The following UGGT1 variants were observed in gnomAD, a reference collection of about 807,000 sequenced individuals.
The protein encoded by UGGT1 is UDP-glucose:glycoprotein glucosyltransferase 1.
In UGGT1, 107 loss-of-function variants were observed where a neutral mutation model predicts 203.9. The ratio of observed to expected loss-of-function variants is 0.52; its 90% CI spans 0.45 to 0.62. The LOEUF (loss-of-function observed/expected upper bound fraction) is 0.62. Among genes scored for constraint, UGGT1 ranks in the 20% least tolerant of loss-of-function variants. UGGT1 has a pLI of 0.00. For synonymous variants in UGGT1, 628 were observed against 653.5 expected, an observed-to-expected ratio of 0.96 and a Z score of 0.59; for missense variants, 1,673 against 1,867.2, an observed-to-expected ratio of 0.90 and a Z score of 1.92.
chr2:128,119,890 G>C (rs562348844), intron 8 of UGGT1, among the ~76,000 whole-genome samples: 1 of 151,254 alleles, frequency 6.6e-6, no homozygotes, highest in Non-Finnish European at 1.5e-5. Flanking sequence ...AAACAGGTCA[G>C]TAAACACTGC....
intron 31 of UGGT1, among the ~76,000 whole-genome samples, chr2:128,176,504 G>A (rs747395314): frequency 6.6e-6 from 1 of 151,816 alleles, no homozygotes; most frequent in Non-Finnish European, 1.5e-5. Context: ...AAGGCTCTGT[G>A]CTTGGCTCAG....
Position 128,121,270 on chromosome 2 carries a change from C to G in UGGT1, c.1045C>G (p.Leu349Val). 6.2e-7 allele frequency: 1 copy of G among 1,612,256 alleles called. No homozygotes were observed. The highest frequency in any genetic ancestry group is 1.1e-5 in the South Asian group (1 of 90,530). The change falls in exon 10 of 41, where the codon CTT (leucine) becomes GTT (valine). Residue 349 changes from leucine to valine, a missense_variant. Physicochemically the swap from Leu to Val is conservative, Grantham distance 32. This residue lies in a region of UGGT1 where 1,073 missense variants were observed against 1,078.7 expected (regional missense o/e 0.99). Coordinates refer to ENST00000259253, the MANE Select transcript of UGGT1 (RefSeq NM_020120.4). Reference sequence around the variant, plus strand: ...GTTGGCTTTGGTTGTCATGAAGGATCTTAGTCAGAATTTTCCTACCAAAGC... The same window carrying G: ...GTTGGCTTTGGTTGTCATGAAGGATGTTAGTCAGAATTTTCCTACCAAAGC... ...VELALVVMKD[L>V]SQNFPTKARA...
Position 128,182,314 on chromosome 2 carries a change from C to T in UGGT1, c.4244+24C>T, listed in dbSNP as rs374971774. ...AGGTACTGAAAAGAAGCACTCCTAA[C>T]ACTGTTACGGGGTTTTCCTTAAAAT... On this transcript the variant is annotated intron_variant, in intron 37 of 40. Transcript: ENST00000259253. The T allele has an allele frequency of 8.8e-6, 14 of 1,596,934 alleles. No homozygotes were observed. The East Asian group carries it at 2.9e-4, about 33-fold the overall frequency.
chr2:128,126,888 G>A (rs1381814660), intron 11 of UGGT1, among the ~76,000 whole-genome samples: 1 of 151,938 alleles, frequency 6.6e-6, no homozygotes, highest in Non-Finnish European at 1.5e-5. Flanking sequence ...TTGCCACGTT[G>A]TCCAGGCTGG....
Position 128,180,953 on chromosome 2 carries a change from C to A in UGGT1, c.3964C>A (p.Pro1322Thr), listed in dbSNP as rs1394155253. ...GTATGAGCTTGTTCAGTACAAATGG[C>A]CCCGGTGGCTTCATCAACAAACTGA... The part of the protein sequence containing the change: ...FQYELVQYKW[P>T]RWLHQQTEKQ... The change falls in exon 36 of 41, where the codon CCC (proline) becomes ACC (threonine). Residue 1322 changes from proline (P) to threonine (T), a missense_variant. Physicochemically the swap from Pro to Thr is conservative, Grantham distance 38. Coordinates refer to ENST00000259253, the MANE Select transcript of UGGT1 (RefSeq NM_020120.4). 1 of 1,614,136 alleles carries A rather than the reference C, an allele frequency of 6.2e-7. No homozygotes were observed. Among genetic ancestry groups the A allele is most frequent in the Admixed American group, 1.7e-5 (1 of 60,018 alleles).
chr2:128,160,772 C>A (rs1690488779), intron 24 of UGGT1, among the ~76,000 whole-genome samples, 181 bp downstream of exon 24: 1 of 152,198 alleles, frequency 6.6e-6, no homozygotes, highest in African/African-American at 2.4e-5. Context: ...TTGACATAGA[C>A]AAATATCCCC....
At chr2:128,110,692 A>T (rs142010048) in intron 5 of UGGT1, among the ~76,000 whole-genome samples, 3 of 152,218 alleles carry the variant, frequency 2.0e-5, no homozygotes, top group Non-Finnish European at 4.4e-5. Context: ...ATGGTTTGGC[A>T]TATATACCTT....
chr2:128,123,749 T>C (rs906242411), intron 11 of UGGT1, among the ~76,000 whole-genome samples: 1 of 152,218 alleles, frequency 6.6e-6, no homozygotes, highest in Admixed American at 6.5e-5. Context: ...TGAGATGGAC[T>C]GGTTGCTCTT....
At chr2:128,157,731 T>G (rs961132640) in intron 22 of UGGT1, among the ~76,000 whole-genome samples, 5 of 152,062 alleles carry the variant, frequency 3.3e-5, no homozygotes, top group Admixed American at 1.3e-4. Flanking sequence ...CACACAGGAA[T>G]GGTAGTGTGT....
chr2:128,174,440 G>A (rs1051147815), intron 30 of UGGT1, among the ~76,000 whole-genome samples: 1 of 151,072 alleles, frequency 6.6e-6, no homozygotes, highest in Non-Finnish European at 1.5e-5. Flanking sequence ...CTGGGATTAC[G>A]GGCACCCACC....
In UGGT1 at chr2:128,091,367, A is replaced by T; in HGVS notation, c.10A>T (p.Lys4Ter). The change falls in exon 1 of 41, where the codon AAG becomes TAG. Residue 4 changes from lysine to a stop codon, truncating the protein, a stop_gained. Coordinates refer to ENST00000259253, the MANE Select transcript of UGGT1 (RefSeq NM_020120.4). LOFTEE classifies it high-confidence loss of function. ...TGACCACGGCCCGGGCATGGGCTGCAAGGGAGACGCGAGCGGTGCGTGTGC... is the reference window on the plus strand; with the variant it reads ...TGACCACGGCCCGGGCATGGGCTGCTAGGGAGACGCGAGCGGTGCGTGTGC... MGC[K>*]GDASGACAAG... 1 of 1,570,052 alleles carries T rather than the reference A, an allele frequency of 6.4e-7. No homozygotes were observed.
At chr2:128,097,356 C>T (rs996196615) in intron 1 of UGGT1, 73 bp from the exon 2 acceptor site, 1 of 1,524,312 alleles carries the variant, frequency 6.6e-7, no homozygotes. Flanking sequence ...GCCTGGGCGA[C>T]AGGGCGAGAC....
intron 3 of UGGT1, among the ~76,000 whole-genome samples, chr2:128,105,557 C>T (rs957117371): frequency 6.6e-5 from 10 of 151,694 alleles, no homozygotes; most frequent in African/African-American, 2.4e-4. Flanking sequence ...CTCTGTTGCC[C>T]AGGCTGGAGT....
chr2:128,117,276 G>A (rs1339129888), intron 8 of UGGT1, among the ~76,000 whole-genome samples: 1 of 151,986 alleles, frequency 6.6e-6, no homozygotes, highest in Non-Finnish European at 1.5e-5. Flanking sequence ...TTTTAGTAGA[G>A]ACGGGGTTTC....
chr2:128,183,934 G>A, intron 38 of UGGT1, 145 bp downstream of exon 38: 1 of 549,574 alleles, frequency 1.8e-6, no homozygotes, highest in Non-Finnish European at 3.3e-6. Context: ...GTGTGTGTGT[G>A]TGTGAGAGAG....
intron 1 of UGGT1, among the ~76,000 whole-genome samples, chr2:128,091,882 T>G (rs749438083): frequency 5.9e-5 from 9 of 152,194 alleles, no homozygotes; most frequent in Non-Finnish European, 1.3e-4. Context: ...GGCTGGAAAT[T>G]GGATGATATG....
intron 3 of UGGT1, 122 bp from the exon 4 acceptor site, chr2:128,107,816 A>G (rs1450412535): frequency 7.4e-7 from 1 of 1,350,374 alleles, no homozygotes; most frequent in African/African-American, 1.5e-5. Flanking sequence ...AGTTCAAGAC[A>G]ATATACTGGT....
chr2:128,169,643 G>C (rs944616605), intron 26 of UGGT1, among the ~76,000 whole-genome samples: 2 of 152,198 alleles, frequency 1.3e-5, no homozygotes, highest in Non-Finnish European at 2.9e-5. Flanking sequence ...ATGTCCAGCA[G>C]TAAAGAAAAG....
intron 5 of UGGT1, among the ~76,000 whole-genome samples, chr2:128,112,434 A>G (rs867747976): frequency 2.6e-5 from 3 of 113,956 alleles, no homozygotes; most frequent in African/African-American, 8.7e-5. Flanking sequence ...AAAAAAAAAA[A>G]CCCCCCAAAA....
Sources: gnomAD v4.1 joint callset for allele counts (sites outside exome capture counted in the v4.1 genomes callset) on GRCh38, gnomAD v4.1.1 for gene constraint, gnomAD v4.1.1 regional missense constraint, MANE v1.5 for transcripts, NCBI Gene and HGNC (gene_info 2026-07-23, HGNC 2026-07-21) for gene names.